Variants in PAIP1 observed in about 807,000 individuals in gnomAD.
PAIP1 encodes the protein polyadenylate-binding protein-interacting protein 1.
Under a neutral mutation model 61.3 loss-of-function variants are expected in PAIP1, and 16 were observed. The ratio of observed to expected loss-of-function variants is 0.26; its 90% confidence interval spans 0.18 to 0.40. PAIP1 has a LOEUF of 0.40. PAIP1 is among the 10% of genes least tolerant of loss of function. The pLI, the probability that PAIP1 is intolerant of heterozygous loss-of-function variation, is 1.00. For synonymous variants in PAIP1, 187 were observed against 226.2 expected (o/e 0.83, Z 1.56); for missense variants, 416 against 600.9 (o/e 0.69, Z 3.22).
rs767850266 is a variant in PAIP1 at position 43,543,028 on chromosome 5, T to G, written c.710A>C (p.Asn237Thr). The change falls in exon 4 of 11, where the codon AAC (asparagine) becomes ACC (threonine). Residue 237 changes from asparagine to threonine, a missense_variant. Physicochemically the swap from Asn to Thr is moderately conservative, Grantham distance 65 (BLOSUM62 0). This residue lies in a region of PAIP1 where 180 missense variants were observed against 211.2 expected (regional missense o/e 0.85). Transcript: ENST00000306846. ...CCTTTGAAGTAGCAATTGGCGGAAGTTGCCACTCTGTGGGCTAATTGTCAG... is the reference window on the plus strand; with the variant it reads ...CCTTTGAAGTAGCAATTGGCGGAAGGTGCCACTCTGTGGGCTAATTGTCAG... The part of the protein sequence containing the change: ...HHLTISPQSG[N>T]FRQLLLQRCR... 41 of 1,590,922 alleles carry G rather than the reference T, an allele frequency of 2.6e-5. No homozygotes were observed. The highest frequency in any genetic ancestry group is 3.5e-5 in the Non-Finnish European group (40 of 1,159,292).
intron 8 of PAIP1, among the ~76,000 whole-genome samples, chr5:43,534,390 G>A (rs1258192429): frequency 6.6e-6 from 1 of 152,132 alleles, no homozygotes; most frequent in Non-Finnish European, 1.5e-5. Flanking sequence ...GTAGAGACGG[G>A]GTTTCTCCAC....
At chr5:43,533,998 G>A (rs1747047048) in intron 8 of PAIP1, among the ~76,000 whole-genome samples, 1 of 152,156 alleles carries the variant, frequency 6.6e-6, no homozygotes, top group Non-Finnish European at 1.5e-5. Context: ...AGTTCTTGTG[G>A]TTCTAACGGT....
In PAIP1 at chr5:43,555,981, C is replaced by T. The variant is rs962431319; in HGVS notation, c.284G>A (p.Arg95Lys). Residue 95 changes from arginine (R) to lysine (K), a missense_variant, in exon 2 of 11, where the codon AGA (arginine) becomes AAA (lysine). Arg to Lys is a conservative substitution (Grantham distance 26). Around this residue, in one of 4 missense-constraint regions of PAIP1, gnomAD observed 180 missense variants for 211.2 expected, o/e 0.85. Coordinates refer to ENST00000306846, the MANE Select transcript of PAIP1 (RefSeq NM_006451.5). ...GALPEQTRPLRAPPSSQDKIP... is the reference protein window; with the variant it reads ...GALPEQTRPLKAPPSSQDKIP... ...TTTATCCTGTGAACTAGGTGGAGCTCTCAGGGGCCTCGTTTGCTCTGCAAA... is the reference window on the plus strand; with the variant it reads ...TTTATCCTGTGAACTAGGTGGAGCTTTCAGGGGCCTCGTTTGCTCTGCAAA... 5 of 1,612,826 alleles carry T rather than the reference C, an allele frequency of 3.1e-6. No individual in the cohort carries two copies. In the African/African-American group the frequency reaches 5.3e-5, roughly 17 times the overall value.
In PAIP1 at chr5:43,541,196, C is replaced by T. The variant is rs36104847; in HGVS notation, c.734+1808G>A. Among the ~76,000 whole-genome samples the T allele has an allele frequency of 6.7e-3, 884 of 132,128 alleles. 19 individuals are homozygous for T. In the East Asian group the frequency reaches 0.069, roughly 10 times the overall value. The allele number at this position is 132,128 out of a possible 152,430, so 86.7% of individuals were successfully genotyped here. A position where few individuals can be genotyped will look rare whatever the true frequency, so the allele number is the denominator to read the frequency against. On this transcript the variant is annotated intron_variant, in intron 4 of 10. Coordinates refer to ENST00000306846, the MANE Select transcript of PAIP1 (RefSeq NM_006451.5). ...CTGGAGTGCAGTGGCGCGATCTCTG[C>T]TCACTGCAAGCTCCGCCTCCCGGGT...
intron 2 of PAIP1, among the ~76,000 whole-genome samples, chr5:43,551,762 T>TTA (rs58922191): frequency 6.8e-6 from 1 of 146,746 alleles, no homozygotes; most frequent in Non-Finnish European, 1.5e-5. Flanking sequence ...TTTTTTTTTT[T>TTA]AAAGTCAACA....
intron 6 of PAIP1, among the ~76,000 whole-genome samples, 164 bp downstream of exon 6, chr5:43,536,652 AAAC>A (rs567267158): frequency 3.6e-4 from 55 of 152,342 alleles, no homozygotes; most frequent in African/African-American, 1.0e-3. Flanking sequence ...TTCATATATT[AAAC>A]AATAAGTATA....
At position 43,550,428 on chromosome 5, in the gene PAIP1, C is replaced by A. The variant is rs897327710; in HGVS notation, c.436-2515G>T. On this transcript the variant is annotated intron_variant, in intron 2 of 10. Transcript: ENST00000306846. ...CAAATGCAACAGCCATGTATTCATA[C>A]ATAAAGGGACTAAAGTATAAAAAGC... 5.3e-5 allele frequency among the ~76,000 whole-genome samples: 8 copies of A among 152,098 alleles called. No homozygotes were observed. The East Asian group carries it at 1.5e-3, about 29-fold the overall frequency.
At chr5:43,529,702 T>C in intron 10 of PAIP1, 84 bp downstream of exon 10, 1 of 805,494 alleles carries the variant, frequency 1.2e-6, no homozygotes, top group Non-Finnish European at 2.2e-6. Flanking sequence ...CCAAACACCA[T>C]TCCTTCATGA....
In PAIP1 at chr5:43,547,966, C is replaced by T. The variant is rs868005059; in HGVS notation, c.436-53G>A. On this transcript the variant is annotated intron_variant, in intron 2 of 10. Coordinates refer to ENST00000306846, the MANE Select transcript of PAIP1 (RefSeq NM_006451.5). ...TTAATCTATGCAACTGGCTAAAACA[C>T]ACAAGGTGGTATGTCTCTAGCACAA... 17 of 1,163,896 alleles carry T rather than the reference C, an allele frequency of 1.5e-5. No homozygotes were observed. The Middle Eastern group carries it at 1.6e-3, about 111-fold the overall frequency. The allele number at this position is 1,163,896 out of a possible 1,614,324, so 72.1% of individuals were successfully genotyped here.
At chr5:43,529,710 T>A (rs774938717) in intron 10 of PAIP1, 76 bp downstream of exon 10, 1 of 824,612 alleles carries the variant, frequency 1.2e-6, no homozygotes, top group East Asian at 2.4e-5. Context: ...CATTCCTTCA[T>A]GAGCTACTTT....
At chr5:43,540,110 G>A (rs551033018) in intron 4 of PAIP1, among the ~76,000 whole-genome samples, 6 of 152,288 alleles carry the variant, frequency 3.9e-5, no homozygotes, top group African/African-American at 9.6e-5. Flanking sequence ...TGCCAACCAC[G>A]AAACCCCAGC....
intron 3 of PAIP1, among the ~76,000 whole-genome samples, chr5:43,544,150 A>T (rs975925095): frequency 0.039 from 5,350 of 136,620 alleles, 208 homozygotes; most frequent in African/African-American, 0.094. Context: ...TCTTTTTAAA[A>T]AAAAAAAAAA....
At chr5:43,556,503 C>G (rs1748085546) in intron 1 of PAIP1, 79 bp downstream of exon 1, 1 of 1,211,630 alleles carries the variant, frequency 8.3e-7, no homozygotes, top group South Asian at 4.2e-5. Flanking sequence ...GCAGACAGCG[C>G]GTCGGGCCTC....
At chr5:43,550,837 C>CAAA (rs373730839) in intron 2 of PAIP1, among the ~76,000 whole-genome samples, 12,761 of 49,114 alleles carry the variant, frequency 0.26, 1,680 homozygotes, top group African/African-American at 0.29. Flanking sequence ...AAATATACTA[C>CAAA]AAAAAAAAAA....
Position 43,538,788 on chromosome 5 carries a change from C to G in PAIP1, c.846+136G>C, listed in dbSNP as rs867325916. 4 of 584,770 alleles carry G rather than the reference C, an allele frequency of 6.8e-6. No homozygotes were observed. The African/African-American group carries it at 7.5e-5, about 11-fold the overall frequency. 36.2% of individuals were successfully genotyped at this position (584,770 alleles called of 1,614,324 possible). The stretch of plus-strand genomic sequence containing the variant: ...GTAAACCACAGACACTAGCAGGTGC[C>G]GAAACATGTTTTCTTTCCTCTCTCT... On this transcript the variant is annotated intron_variant, in intron 5 of 10. Transcript: ENST00000306846.
chr5:43,542,612 T>C (rs1747459892), intron 4 of PAIP1, among the ~76,000 whole-genome samples: 1 of 150,646 alleles, frequency 6.6e-6, no homozygotes, highest in Non-Finnish European at 1.5e-5. Flanking sequence ...AAGTGATAAA[T>C]GGAATGAAAA....
At chr5:43,536,667 C>CT (rs1372615135) in intron 6 of PAIP1, 152 bp downstream of exon 6, 17 of 473,392 alleles carry the variant, frequency 3.6e-5, no homozygotes, top group Non-Finnish European at 5.3e-5. Context: ...ATAAGTATAT[C>CT]TCGCTTTTCC....
At chr5:43,554,313 A>C (rs994465520) in intron 2 of PAIP1, among the ~76,000 whole-genome samples, 2 of 152,192 alleles carry the variant, frequency 1.3e-5, no homozygotes, top group African/African-American at 4.8e-5. Flanking sequence ...CATCCTTAAG[A>C]GTTTATTCAA....
intron 2 of PAIP1, among the ~76,000 whole-genome samples, chr5:43,552,560 G>C (rs1330303510): frequency 6.6e-6 from 1 of 152,148 alleles, no homozygotes; most frequent in Non-Finnish European, 1.5e-5. Flanking sequence ...CAAGTTGGGA[G>C]GATAAAGTAC....
Sources: allele counts gnomAD v4.1 joint callset (sites outside exome capture counted in the v4.1 genomes callset), GRCh38; gene constraint gnomAD v4.1.1; regional missense constraint gnomAD v4.1.1; transcripts MANE v1.5; gene names NCBI Gene and HGNC (gene_info 2026-07-23, HGNC 2026-07-21).